The following CTNNA3 variants were observed in gnomAD, a reference collection of about 807,000 sequenced individuals.
The protein encoded by CTNNA3 is catenin alpha-3.
Under a neutral mutation model 95.7 loss-of-function variants are expected in CTNNA3, and 76 were observed. The observed-to-expected ratio is 0.79, with a 90% CI of 0.66 to 0.96. The LOEUF (loss-of-function observed/expected upper bound fraction) is 0.96, where lower values mean the gene tolerates loss of function less well. Ranked by LOEUF, CTNNA3 falls within the 40% of genes least tolerant of loss-of-function variation. The pLI, the probability that CTNNA3 is intolerant of heterozygous loss-of-function variation, is 0.00. For synonymous variants in CTNNA3, 431 were observed against 374.4 expected (o/e 1.15, Z -1.74); for missense variants, 1,191 against 1,089.8 (o/e 1.09, Z -1.31).
At position 67,486,575 on chromosome 10, in the gene CTNNA3, A is replaced by G. The variant is rs554411403; in HGVS notation, c.579+35267T>C. Among the ~76,000 whole-genome samples, 9 of 152,170 alleles carry G rather than the reference A, an allele frequency of 5.9e-5. No homozygotes were observed. In the East Asian group the frequency reaches 1.4e-3, roughly 23 times the overall value. Reference sequence around the variant, plus strand: ...AACCTCTATGTGCCTCAGTTTTCTCATTCATAGAATGAGAAAAACAGTAAG... The same window carrying G: ...AACCTCTATGTGCCTCAGTTTTCTCGTTCATAGAATGAGAAAAACAGTAAG... On this transcript the variant is annotated intron_variant, in intron 5 of 17. Coordinates refer to ENST00000433211, the MANE Select transcript of CTNNA3 (RefSeq NM_013266.4).
At chr10:66,084,135 C>CAA (rs200266418) in intron 14 of CTNNA3, among the ~76,000 whole-genome samples, 15,601 of 79,768 alleles carry the variant, frequency 0.2, 1,371 homozygotes, top group South Asian at 0.29. Flanking sequence ...AACTTCATCT[C>CAA]AAAAAAAAAA....
At chr10:67,031,111 GTT>G (rs747286902) in intron 7 of CTNNA3, among the ~76,000 whole-genome samples, 36 of 152,198 alleles carry the variant, frequency 2.4e-4, no homozygotes, top group Admixed American at 9.8e-4. Context: ...TTTGTAAAGA[GTT>G]TAAACTAGAT....
At position 66,341,639 on chromosome 10, in the gene CTNNA3, T is replaced by C. The variant is rs191579876; in HGVS notation, c.1732+37513A>G. The stretch of plus-strand genomic sequence containing the variant: ...CAATTGCTTGGTGTTATCTTCTTAA[T>C]TGAGTCACAGAATAAAATCTAAGAA... On this transcript the variant is annotated intron_variant, in intron 12 of 17. Coordinates refer to ENST00000433211, the MANE Select transcript of CTNNA3 (RefSeq NM_013266.4). Among the ~76,000 whole-genome samples the C allele has an allele frequency of 8.8e-4, 134 of 152,018 alleles. 1 individual carries two copies. Among genetic ancestry groups the C allele is most frequent in the Middle Eastern group, 6.8e-3 (2 of 294 alleles).
chr10:67,634,158 A>G (rs1425940352), intron 2 of CTNNA3, among the ~76,000 whole-genome samples: 1 of 152,184 alleles, frequency 6.6e-6, no homozygotes, highest in Non-Finnish European at 1.5e-5. Flanking sequence ...AAGGCAGAAG[A>G]GATTGGGGGC....
Position 66,845,713 on chromosome 10 carries a change from A to ATAAATAAATAAATAAAT in CTNNA3, c.1048-70190_1048-70189insATTTATTTATTTATTTA, listed in dbSNP as rs1380021748. The stretch of plus-strand genomic sequence containing the variant: ...AGCAAAACTCTGTCTCAAAAAAAAA[A>ATAAATAAATAAATAAAT]AAAAAAAAAAAAAAAACTAAAAAGG... On this transcript the variant is annotated intron_variant, in intron 7 of 17. Transcript: ENST00000433211. 2.9e-3 allele frequency among the ~76,000 whole-genome samples: 356 copies of ATAAATAAATAAATAAAT among 123,372 alleles called. 12 individuals carry two copies. The highest frequency in any genetic ancestry group is 5.0e-3 in the Non-Finnish European group (291 of 58,590). 80.9% of individuals were successfully genotyped at this position (123,372 alleles called of 152,430 possible). A position where few individuals can be genotyped will look rare whatever the true frequency, so the allele number is the denominator to read the frequency against.
At chr10:65,944,653 C>A (rs1044954029) in intron 17 of CTNNA3, among the ~76,000 whole-genome samples, 1 of 152,240 alleles carries the variant, frequency 6.6e-6, no homozygotes, top group East Asian at 1.9e-4. Context: ...AGCCATTTAG[C>A]TGGCATATGG....
chr10:66,226,525 A>G (rs1296795492), intron 13 of CTNNA3, among the ~76,000 whole-genome samples: 2 of 148,216 alleles, frequency 1.3e-5, no homozygotes, highest in Non-Finnish European at 3.0e-5. Flanking sequence ...GAACTGATTT[A>G]GTTATTTGAG....
intron 7 of CTNNA3, among the ~76,000 whole-genome samples, chr10:67,172,473 T>A (rs1326271027): frequency 6.6e-6 from 1 of 152,154 alleles, no homozygotes; most frequent in East Asian, 1.9e-4. Context: ...GAAAAATGTG[T>A]TAAATCTCTC....
At chr10:65,977,564 T>C (rs2078230608) in intron 16 of CTNNA3, among the ~76,000 whole-genome samples, 1 of 152,076 alleles carries the variant, frequency 6.6e-6, no homozygotes, top group African/African-American at 2.4e-5. Flanking sequence ...GCAGATGACC[T>C]GAGGTCAGGA....
At chr10:66,190,984 T>C (rs1282632931) in intron 13 of CTNNA3, among the ~76,000 whole-genome samples, 1 of 152,088 alleles carries the variant, frequency 6.6e-6, no homozygotes, top group Non-Finnish European at 1.5e-5. Flanking sequence ...TGATCATTAA[T>C]CCAGAATTAT....
intron 11 of CTNNA3, among the ~76,000 whole-genome samples, chr10:66,403,729 G>A (rs983127606): frequency 1.3e-5 from 2 of 152,072 alleles, no homozygotes; most frequent in Non-Finnish European, 2.9e-5. Flanking sequence ...TGTACAATCC[G>A]CTTCATTAAT....
intron 5 of CTNNA3, among the ~76,000 whole-genome samples, chr10:67,504,453 A>AC: frequency 6.7e-6 from 1 of 150,286 alleles, no homozygotes; most frequent in Non-Finnish European, 1.5e-5. Flanking sequence ...AAAAAAAAAA[A>AC]AAAAAAACAG....
intron 13 of CTNNA3, among the ~76,000 whole-genome samples, chr10:66,212,665 T>C (rs2088244953): frequency 6.6e-6 from 1 of 152,200 alleles, no homozygotes; most frequent in South Asian, 2.1e-4. Context: ...CATTTCAGTG[T>C]AGCTTTCTTT....
rs1406266473 is a variant in CTNNA3 at position 67,744,591 on chromosome 10, G to A, written c.-2+18843C>T. Among the ~76,000 whole-genome samples, 3 of 151,096 alleles carry A rather than the reference G, an allele frequency of 2.0e-5. No individual in the cohort carries two copies. The Admixed American group carries it at 2.0e-4, about 10-fold the overall frequency. On this transcript the variant is annotated intron_variant, in intron 1 of 17. Coordinates refer to the CTNNA3 transcript ENST00000684154. ...GCAATACCATTCAGGACATAGGCAT[G>A]GGCAAGGACTTCATGTCTAAAACAC...
chr10:66,192,299 G>T (rs984871845), intron 13 of CTNNA3, among the ~76,000 whole-genome samples: 2 of 152,080 alleles, frequency 1.3e-5, no homozygotes, highest in Admixed American at 6.6e-5. Context: ...ATTTTCTATA[G>T]GTTGAGTGCA....
intron 12 of CTNNA3, among the ~76,000 whole-genome samples, chr10:66,370,343 T>C (rs540329449): frequency 2.0e-5 from 3 of 152,152 alleles, no homozygotes; most frequent in Non-Finnish European, 4.4e-5. Context: ...CTGAAGGGAA[T>C]TGTTTCATTA....
chr10:67,151,337 A>AC (rs1298706150), intron 7 of CTNNA3, among the ~76,000 whole-genome samples: 1 of 29,110 alleles, frequency 3.4e-5, no homozygotes, highest in East Asian at 9.2e-4. Flanking sequence ...TACAGTGAAT[A>AC]AAAAAAAATA....
intron 9 of CTNNA3, among the ~76,000 whole-genome samples, chr10:66,707,561 T>C (rs760536386): frequency 6.6e-6 from 1 of 152,100 alleles, no homozygotes; most frequent in Non-Finnish European, 1.5e-5. Context: ...CATAAATGTC[T>C]TTCCTATTGA....
chr10:67,479,700 A>AC (rs1235942085), intron 5 of CTNNA3, among the ~76,000 whole-genome samples: 4 of 152,114 alleles, frequency 2.6e-5, no homozygotes, highest in African/African-American at 9.7e-5. Flanking sequence ...GAACAAACTA[A>AC]CCCCAAAGCT....
Sources: gnomAD v4.1 joint callset for allele counts (sites outside exome capture counted in the v4.1 genomes callset) on GRCh38, gnomAD v4.1.1 for gene constraint, MANE v1.5 for transcripts, NCBI Gene and HGNC (gene_info 2026-07-23, HGNC 2026-07-21) for gene names.